Variants in ARMH4 observed in about 807,000 individuals in gnomAD.
ARMH4 encodes armadillo-like helical domain-containing protein 4.
In ARMH4, 49 loss-of-function variants were observed where a neutral mutation model predicts 61.9. The ratio of observed to expected loss-of-function variants is 0.79; its 90% CI spans 0.63 to 1.00. ARMH4 has a LOEUF of 1.00. Ranked by LOEUF, ARMH4 falls within the 50% of genes least tolerant of loss-of-function variation. The pLI, the probability that ARMH4 is intolerant of heterozygous loss-of-function variation, is 0.00. For synonymous variants in ARMH4, 368 were observed against 341.5 expected, an observed-to-expected ratio of 1.08 and a Z score of -0.85; for missense variants, 934 against 930.0, an observed-to-expected ratio of 1.00 and a Z score of -0.06.
intron 4 of ARMH4, among the ~76,000 whole-genome samples, chr14:58,120,902 T>C (rs1382834087): frequency 1.3e-5 from 2 of 152,156 alleles, no homozygotes; most frequent in African/African-American, 2.4e-5. Context: ...TGTTTTGGGG[T>C]AAAATATTTA....
At chr14:58,042,824 C>T (rs1406177681) in intron 5 of ARMH4, among the ~76,000 whole-genome samples, 4 of 152,184 alleles carry the variant, frequency 2.6e-5, no homozygotes, top group Non-Finnish European at 5.9e-5. Context: ...CACCTCTACA[C>T]AAATAAACTA....
At chr14:58,146,936 C>A (rs1887749700) in intron 1 of ARMH4, among the ~76,000 whole-genome samples, 1 of 152,178 alleles carries the variant, frequency 6.6e-6, no homozygotes, top group Non-Finnish European at 1.5e-5. Context: ...GTGCTCAAGA[C>A]ACAGGAGGGC....
At chr14:58,072,521 C>A (rs2141229630) in intron 5 of ARMH4, among the ~76,000 whole-genome samples, 1 of 152,148 alleles carries the variant, frequency 6.6e-6, no homozygotes, top group South Asian at 2.1e-4. Flanking sequence ...GAGTTCAAGA[C>A]TAGCCTGGCC....
At chr14:58,124,772 G>A (rs906780870) in intron 4 of ARMH4, among the ~76,000 whole-genome samples, 7 of 152,156 alleles carry the variant, frequency 4.6e-5, no homozygotes, top group African/African-American at 1.7e-4. Context: ...TTCCTTTGTA[G>A]AAAAGGGACT....
At chr14:58,061,179 T>C (rs1884519798) in intron 5 of ARMH4, among the ~76,000 whole-genome samples, 1 of 152,158 alleles carries the variant, frequency 6.6e-6, no homozygotes, top group South Asian at 2.1e-4. Context: ...CCTGACACCC[T>C]AGCCCTGGGC....
chr14:58,031,444 T>A (rs1332583498), intron 5 of ARMH4, among the ~76,000 whole-genome samples: 1 of 152,210 alleles, frequency 6.6e-6, no homozygotes, highest in East Asian at 1.9e-4. Context: ...TTATTAATGA[T>A]AAGTTTATTT....
intron 6 of ARMH4, among the ~76,000 whole-genome samples, chr14:58,010,613 C>A (rs1882372902): frequency 6.6e-6 from 1 of 151,796 alleles, no homozygotes. Context: ...AACTAGCGGT[C>A]ACATACAAAA....
intron 5 of ARMH4, among the ~76,000 whole-genome samples, chr14:58,066,782 T>G (rs1884720103): frequency 6.6e-6 from 1 of 152,174 alleles, no homozygotes; most frequent in African/African-American, 2.4e-5. Flanking sequence ...TCATGGATTA[T>G]AAGATTTACT....
chr14:58,108,030 G>A (rs1886224641), intron 4 of ARMH4, among the ~76,000 whole-genome samples: 1 of 152,092 alleles, frequency 6.6e-6, no homozygotes, highest in Non-Finnish European at 1.5e-5. Context: ...CCCTAGAAAT[G>A]ACACTGCTTT....
At chr14:58,024,708 G>A (rs1220325129) in intron 5 of ARMH4, among the ~76,000 whole-genome samples, 1 of 152,160 alleles carries the variant, frequency 6.6e-6, no homozygotes, top group Non-Finnish European at 1.5e-5. Flanking sequence ...GATTTAAAGT[G>A]AGAGATGTGT....
chr14:58,040,351 TC>T (rs1380583951), intron 5 of ARMH4, among the ~76,000 whole-genome samples: 1 of 152,100 alleles, frequency 6.6e-6, no homozygotes, highest in Non-Finnish European at 1.5e-5. Context: ...TGTCTGTTGT[TC>T]CCCGCCATGT....
intron 5 of ARMH4, among the ~76,000 whole-genome samples, chr14:58,036,024 G>A (rs1331994320): frequency 7.8e-6 from 1 of 128,362 alleles, no homozygotes; most frequent in African/African-American, 2.9e-5. Flanking sequence ...AACAGAAAAA[G>A]AGGGAATCCT....
At chr14:58,103,183 C>T (rs1164270027) in intron 4 of ARMH4, among the ~76,000 whole-genome samples, 3 of 151,160 alleles carry the variant, frequency 2.0e-5, no homozygotes, top group Non-Finnish European at 4.4e-5. Flanking sequence ...GATACAGACA[C>T]AGAGACAAAG....
At chr14:58,144,339 G>A (rs953049368) in intron 1 of ARMH4, among the ~76,000 whole-genome samples, 7 of 152,114 alleles carry the variant, frequency 4.6e-5, no homozygotes, top group African/African-American at 1.4e-4. Context: ...CAAGGCAGGA[G>A]GATCATCTGA....
At chr14:58,032,082 G>T (rs560471055) in intron 5 of ARMH4, among the ~76,000 whole-genome samples, 5 of 151,786 alleles carry the variant, frequency 3.3e-5, no homozygotes, top group Non-Finnish European at 7.4e-5. Context: ...TTCTTCTCCC[G>T]GCTCACTCCC....
At chr14:58,054,882 A>AAAT (rs1555338492) in intron 5 of ARMH4, among the ~76,000 whole-genome samples, 1 of 144,438 alleles carries the variant, frequency 6.9e-6, no homozygotes, top group African/African-American at 2.5e-5. Flanking sequence ...AAAAAAAAAA[A>AAAT]AAATAATAAT....
chr14:58,018,071 A>G (rs2141142147), intron 5 of ARMH4, among the ~76,000 whole-genome samples: 1 of 152,350 alleles, frequency 6.6e-6, no homozygotes, highest in South Asian at 2.1e-4. Flanking sequence ...GGATATCCAC[A>G]CGCAAAAGAA....
chr14:58,010,248 A>G (rs200887910), intron 6 of ARMH4, among the ~76,000 whole-genome samples: 22 of 34,100 alleles, frequency 6.5e-4, no homozygotes, highest in Non-Finnish European at 1.2e-3. Context: ...AGATATATGT[A>G]TATATATATA....
At chr14:58,057,853 T>C (rs1338646326) in intron 5 of ARMH4, among the ~76,000 whole-genome samples, 2 of 152,218 alleles carry the variant, frequency 1.3e-5, no homozygotes, top group African/African-American at 4.8e-5. Flanking sequence ...GCAACCACTC[T>C]ACTTTCAAAT....
Sources: gnomAD v4.1 joint callset for allele counts (sites outside exome capture counted in the v4.1 genomes callset) on GRCh38, gnomAD v4.1.1 for gene constraint, MANE v1.5 for transcripts, NCBI Gene and HGNC (gene_info 2026-07-23, HGNC 2026-07-21) for gene names.